SMOC1: variants seen among roughly 807,000 people sequenced by gnomAD.
The protein encoded by SMOC1 is SPARC related modular calcium binding 1, also known as SPARC-related modular calcium-binding protein 1.
A neutral mutation model predicts 56.3 loss-of-function variants in SMOC1; 22 were observed. That is an observed-to-expected ratio of 0.39 (90% confidence interval 0.28 to 0.56). The LOEUF (loss-of-function observed/expected upper bound fraction) is 0.56. Ranked by LOEUF, SMOC1 falls within the 20% of genes least tolerant of loss-of-function variation. The probability of loss-of-function intolerance (pLI) is 0.61; values close to 1 mark genes in which losing one functional copy is unlikely to be tolerated. For synonymous variants in SMOC1, 193 were observed against 215.0 expected (o/e 0.90, Z 0.89); for missense variants, 509 against 565.4 (o/e 0.90, Z 1.01).
chr14:69,905,273 G>A (rs150641375), intron 1 of SMOC1, among the ~76,000 whole-genome samples: 51 of 152,136 alleles, frequency 3.4e-4, no homozygotes, highest in African/African-American at 1.2e-3. Context: ...GGCAGGAGTT[G>A]GAGAGGAACG....
chr14:70,018,223 A>G (rs191913774), intron 10 of SMOC1, among the ~76,000 whole-genome samples: 1 of 152,214 alleles, frequency 6.6e-6, no homozygotes, highest in East Asian at 1.9e-4. Flanking sequence ...GCAGGCAGGA[A>G]GACGATAGCA....
At chr14:69,910,894 C>T (rs185538399) in intron 1 of SMOC1, among the ~76,000 whole-genome samples, 10 of 152,160 alleles carry the variant, frequency 6.6e-5, no homozygotes, top group Admixed American at 1.3e-4. Context: ...TTAGTGGGAG[C>T]GGGTCTGTTG....
intron 3 of SMOC1, among the ~76,000 whole-genome samples, chr14:69,964,439 G>A (rs974497049): frequency 2.1e-4 from 31 of 150,540 alleles, no homozygotes; most frequent in African/African-American, 5.4e-4. Context: ...GTGTAGTGGC[G>A]CGATCTTGGC....
intron 1 of SMOC1, among the ~76,000 whole-genome samples, chr14:69,893,686 T>G (rs1289412999): frequency 6.6e-6 from 1 of 152,178 alleles, no homozygotes; most frequent in Non-Finnish European, 1.5e-5. Flanking sequence ...TTGAACTGGC[T>G]TATACAGTGA....
intron 5 of SMOC1, among the ~76,000 whole-genome samples, chr14:69,985,960 G>T (rs1884349399): frequency 6.6e-6 from 1 of 152,088 alleles, no homozygotes; most frequent in South Asian, 2.1e-4. Context: ...GGATGTATAG[G>T]GTTCGGTTCT....
chr14:69,943,045 T>C (rs756510310), intron 1 of SMOC1, among the ~76,000 whole-genome samples: 1 of 139,414 alleles, frequency 7.2e-6, no homozygotes, highest in African/African-American at 2.7e-5. Flanking sequence ...GTCGGGTGGG[T>C]GGGGTGAAGT....
intron 3 of SMOC1, among the ~76,000 whole-genome samples, chr14:69,971,323 C>G (rs932563783): frequency 2.0e-4 from 31 of 152,154 alleles, no homozygotes; most frequent in African/African-American, 7.2e-4. Context: ...TGGCCCCGCT[C>G]CCCCTGGTTA....
At chr14:69,956,448 C>CTTTTTTTTT (rs3052655) in intron 3 of SMOC1, among the ~76,000 whole-genome samples, 1 of 130,794 alleles carries the variant, frequency 7.6e-6, no homozygotes, top group South Asian at 2.5e-4. Flanking sequence ...CTTAGCTGGG[C>CTTTTTTTTT]TTTTTTTTTT....
intron 3 of SMOC1, among the ~76,000 whole-genome samples, chr14:69,975,265 C>T (rs1199931027): frequency 6.6e-6 from 1 of 152,118 alleles, no homozygotes; most frequent in Non-Finnish European, 1.5e-5. Context: ...ATCGCTTGAA[C>T]CCAGGAGGCA....
chr14:69,923,083 T>A (rs984185949), intron 1 of SMOC1, among the ~76,000 whole-genome samples: 3 of 152,148 alleles, frequency 2.0e-5, no homozygotes. Flanking sequence ...TAGCTGGGAC[T>A]ACAGGCACCC....
At chr14:69,971,660 A>G (rs776654100) in intron 3 of SMOC1, among the ~76,000 whole-genome samples, 2 of 152,214 alleles carry the variant, frequency 1.3e-5, no homozygotes, top group Non-Finnish European at 2.9e-5. Context: ...TATTAATTTA[A>G]AAGGATAAAT....
At chr14:69,974,683 G>T (rs537977983) in intron 3 of SMOC1, among the ~76,000 whole-genome samples, 4 of 152,084 alleles carry the variant, frequency 2.6e-5, no homozygotes, top group African/African-American at 9.7e-5. Context: ...GGGGCGGGAG[G>T]TGGTGGGTAG....
chr14:70,005,538 T>C (rs962518903), intron 7 of SMOC1, among the ~76,000 whole-genome samples: 1 of 152,238 alleles, frequency 6.6e-6, no homozygotes, highest in African/African-American at 2.4e-5. Flanking sequence ...GACAGGGTTG[T>C]GTGCCTTCTG....
intron 10 of SMOC1, among the ~76,000 whole-genome samples, chr14:70,022,182 G>C (rs1458838618): frequency 6.6e-6 from 1 of 152,256 alleles, no homozygotes. Flanking sequence ...AACCCAGGCA[G>C]CCCCTCTGTA....
At chr14:69,919,443 AAT>A (rs1884773017) in intron 1 of SMOC1, among the ~76,000 whole-genome samples, 1 of 152,134 alleles carries the variant, frequency 6.6e-6, no homozygotes, top group African/African-American at 2.4e-5. Context: ...CTTAAAAAAT[AAT>A]AGTTATAATT....
intron 1 of SMOC1, among the ~76,000 whole-genome samples, chr14:69,922,799 A>G (rs1172891145): frequency 6.6e-6 from 1 of 151,900 alleles, no homozygotes; most frequent in Admixed American, 6.6e-5. Flanking sequence ...GGGAAGGATG[A>G]ACAAATGAGA....
intron 7 of SMOC1, among the ~76,000 whole-genome samples, chr14:70,000,923 A>G (rs1300105045): frequency 6.6e-6 from 1 of 152,290 alleles, no homozygotes; most frequent in East Asian, 1.9e-4. Context: ...CGTCAGGGAT[A>G]TGGGGTGGAC....
intron 6 of SMOC1, 24 bp downstream of exon 6, chr14:69,992,497 T>G (rs745564932): frequency 1.3e-6 from 2 of 1,552,668 alleles, no homozygotes; most frequent in Admixed American, 1.7e-5. Context: ...TTACTTCTGA[T>G]GTTCATTCTC....
chr14:69,953,534 T>C lies in SMOC1; in HGVS notation c.378+2T>C. 6.2e-7 allele frequency: 1 copy of C among 1,612,942 alleles called. No homozygotes were observed. The highest frequency in any genetic ancestry group is 8.5e-7 in the Non-Finnish European group (1 of 1,178,900). On this transcript the variant is annotated splice_donor_variant, in intron 3 of 11. Coordinates refer to ENST00000361956, the MANE Select transcript of SMOC1 (RefSeq NM_001034852.3). LOFTEE classifies it high-confidence loss of function. ...GGCGAGGATGGCTCCTTTACCCAGGTGAGGCCTCGGACAATCCTCTTGGGC... is the reference window on the plus strand; with the variant it reads ...GGCGAGGATGGCTCCTTTACCCAGGCGAGGCCTCGGACAATCCTCTTGGGC...
Sources: allele counts gnomAD v4.1 joint callset (sites outside exome capture counted in the v4.1 genomes callset), GRCh38; gene constraint gnomAD v4.1.1; transcripts MANE v1.5; gene names NCBI Gene and HGNC (gene_info 2026-07-23, HGNC 2026-07-21).